Variants in IFT140 observed in about 807,000 individuals in gnomAD.
IFT140 encodes intraflagellar transport 140.
IFT140 carries 133 observed loss-of-function variants against 164.6 expected under a neutral mutation model. The ratio of observed to expected loss-of-function variants is 0.81; its 90% CI spans 0.70 to 0.93. The LOEUF (loss-of-function observed/expected upper bound fraction) is 0.93. IFT140 is among the 40% of genes least tolerant of loss of function. The pLI is 0.00. For synonymous variants in IFT140, 860 were observed against 817.3 expected, an observed-to-expected ratio of 1.05 and a Z score of -0.89; for missense variants, 2,045 against 1,972.3, an observed-to-expected ratio of 1.04 and a Z score of -0.70.
intron 18 of IFT140, among the ~76,000 whole-genome samples, chr16:1,559,434 A>G (rs2033285351): frequency 6.6e-6 from 1 of 152,186 alleles, no homozygotes; most frequent in Non-Finnish European, 1.5e-5. Context: ...CAGGGTCCTA[A>G]GAGCTGCTGG....
rs2141381698 is a variant in IFT140, at chr16:1,551,215, G to C, written c.2399+6720C>G. 6.6e-6 allele frequency among the ~76,000 whole-genome samples: 1 copy of C among 152,376 alleles called. No homozygotes were observed. The highest frequency in any genetic ancestry group is 2.1e-4 in the South Asian group (1 of 4,832). On this transcript the variant is annotated intron_variant, in intron 19 of 30. Coordinates refer to ENST00000426508, the MANE Select transcript of IFT140 (RefSeq NM_014714.4). The surrounding 1 kb of genome is among the most constrained non-coding windows in gnomAD (Gnocchi z 4.0). The stretch of plus-strand genomic sequence containing the variant: ...ATGGTGGGGCAAGTTCTGGCCCCGG[G>C]GAGCCTGCCCTGTGGCGGGGGAGAG...
intron 19 of IFT140, among the ~76,000 whole-genome samples, chr16:1,530,133 CTTTTT>C (rs922819138): frequency 1.4e-4 from 12 of 88,582 alleles, no homozygotes; most frequent in African/African-American, 4.9e-4. Context: ...CGACGGGAAT[CTTTTT>C]TTTTTTTTTT....
At chr16:1,526,406 C>A in intron 20 of IFT140, 1 of 612,526 alleles carries the variant, frequency 1.6e-6, no homozygotes, top group East Asian at 2.9e-5. Context: ...ACACACCTGA[C>A]AGGCACACAC....
chr16:1,527,642 G>A (rs1026272779), intron 19 of IFT140, among the ~76,000 whole-genome samples: 1 of 152,230 alleles, frequency 6.6e-6, no homozygotes, highest in African/African-American at 2.4e-5. Context: ...CACAATCACA[G>A]CTCATTCCAG....
intron 19 of IFT140, among the ~76,000 whole-genome samples, chr16:1,557,352 A>G (rs2033154661): frequency 6.6e-6 from 1 of 152,174 alleles, no homozygotes; most frequent in Admixed American, 6.5e-5. Flanking sequence ...ACCCTCTCGG[A>G]CACCTGTGTG....
At chr16:1,605,843 T>C (rs1389000122) in intron 3 of IFT140, among the ~76,000 whole-genome samples, 1 of 152,202 alleles carries the variant, frequency 6.6e-6, no homozygotes, top group Admixed American at 6.5e-5. Flanking sequence ...CCCTGGTCCT[T>C]GTGACATGGC....
chr16:1,554,064 G>C, intron 19 of IFT140: 1 of 1,287,166 alleles, frequency 7.8e-7, no homozygotes, highest in African/African-American at 1.5e-5. Flanking sequence ...GGAAAGCATG[G>C]AAGGAAAATC....
chr16:1,586,548 C>A (rs2236268), intron 9 of IFT140, among the ~76,000 whole-genome samples: 16,011 of 152,222 alleles, frequency 0.11, 1,212 homozygotes, highest in African/African-American at 0.21. Context: ...ACTCAGCAGG[C>A]ACTAGAGACG....
rs528160845 is a variant in IFT140, at chr16:1,537,898, G to A, written c.2400-11102C>T. On this transcript the variant is annotated intron_variant, in intron 19 of 30. Coordinates refer to ENST00000426508, the MANE Select transcript of IFT140 (RefSeq NM_014714.4). ...GCCCCGCCACACATCAAACGGGCAC[G>A]TAAGACCCTGCCTGAATACAGGTGG... Among the ~76,000 whole-genome samples the A allele has an allele frequency of 9.2e-5, 14 of 152,274 alleles. 1 individual carries two copies. In the South Asian group the frequency reaches 2.7e-3, roughly 29 times the overall value.
At chr16:1,609,556 C>T (rs745896843) in intron 2 of IFT140, among the ~76,000 whole-genome samples, 2 of 152,228 alleles carry the variant, frequency 1.3e-5, no homozygotes, top group African/African-American at 4.8e-5. Flanking sequence ...TTCCCACCTC[C>T]TTACAACAGT....
intron 3 of IFT140, 28 bp from the exon 4 acceptor site, chr16:1,602,619 C>T (rs748954176): frequency 1.9e-6 from 3 of 1,595,970 alleles, no homozygotes; most frequent in Admixed American, 3.3e-5. Flanking sequence ...CAAATTCCCA[C>T]AGTTCAGAGA....
At chr16:1,607,584 T>C (rs1288527925) in intron 2 of IFT140, among the ~76,000 whole-genome samples, 1 of 152,206 alleles carries the variant, frequency 6.6e-6, no homozygotes, top group Non-Finnish European at 1.5e-5. Flanking sequence ...GCAGCCTAAC[T>C]ACACACGCAA....
intron 4 of IFT140, among the ~76,000 whole-genome samples, chr16:1,598,938 C>T (rs1025695447): frequency 4.8e-5 from 7 of 146,576 alleles, no homozygotes; most frequent in Admixed American, 1.4e-4. Flanking sequence ...GGAGCGTCTC[C>T]GCCCGGCCGC....
At chr16:1,588,357 C>G (rs2035002593) in intron 7 of IFT140, among the ~76,000 whole-genome samples, 2 of 151,992 alleles carry the variant, frequency 1.3e-5, no homozygotes, top group African/African-American at 4.8e-5. Flanking sequence ...AACCCCATCT[C>G]TACTAAAAAT....
intron 19 of IFT140, among the ~76,000 whole-genome samples, chr16:1,556,478 C>CGGGTT (rs2033092587): frequency 3.3e-5 from 5 of 152,364 alleles, no homozygotes; most frequent in African/African-American, 1.2e-4. Context: ...ACGGTCGGGG[C>CGGGTT]CGGGCCATCA....
At chr16:1,563,453 C>A (rs1239086763) in intron 17 of IFT140, among the ~76,000 whole-genome samples, 87 of 150,818 alleles carry the variant, frequency 5.8e-4, no homozygotes, top group African/African-American at 2.0e-3. Context: ...ACTCAAAAAA[C>A]AAACAAAACA....
In IFT140 at chr16:1,526,717, T is replaced by C. The variant is rs372141549; in HGVS notation, c.2479A>G (p.Met827Val). The change falls in exon 20 of 31, where the codon ATG becomes GTG. Residue 827 changes from methionine (M) to valine (V), a missense_variant. By Grantham distance (21) the Met-to-Val change is conservative (BLOSUM62 1). Transcript: ENST00000426508. ...LDVAKVCLGN[M>V]GHARGARALR... ...GCTCGGGCCCCGCGGGCATGGCCCA[T>C]GTTCCCCAGGCACACCTTGGCCACG... 3 of 1,608,734 alleles carry C rather than the reference T, an allele frequency of 1.9e-6. No homozygotes were observed. Among genetic ancestry groups the C allele is most frequent in the East Asian group, 2.2e-5 (1 of 44,746 alleles).
chr16:1,592,098 C>T, intron 6 of IFT140, 78 bp downstream of exon 6: 1 of 1,497,190 alleles, frequency 6.7e-7, no homozygotes, highest in Non-Finnish European at 9.2e-7. Flanking sequence ...TGCAGAAACG[C>T]CATCTGTGAG....
chr16:1,550,003 C>A (rs2032501210), intron 19 of IFT140, among the ~76,000 whole-genome samples: 1 of 152,124 alleles, frequency 6.6e-6, no homozygotes, highest in South Asian at 2.1e-4. Flanking sequence ...GTCGCCCAGG[C>A]TGAGTGCAAT....
Sources: allele counts gnomAD v4.1 joint callset (sites outside exome capture counted in the v4.1 genomes callset), GRCh38; gene constraint gnomAD v4.1.1; non-coding constraint Gnocchi (gnomAD v3.1); transcripts MANE v1.5; gene names NCBI Gene and HGNC (gene_info 2026-07-23, HGNC 2026-07-21).